The following GPA33 variants were observed in gnomAD, a reference collection of about 807,000 sequenced individuals.
GPA33 encodes the protein glycoprotein A33.
In GPA33, 27 loss-of-function variants were observed where a neutral mutation model predicts 35.6. The ratio of observed to expected loss-of-function variants is 0.76; its 90% CI spans 0.56 to 1.04. The LOEUF is 1.04. Among genes scored for constraint, GPA33 ranks in the 50% least tolerant of loss-of-function variants. The pLI is 0.00. For missense variants in GPA33, 428 were observed against 411.9 expected (o/e 1.04, Z -0.34); for synonymous variants, 176 against 164.0 (o/e 1.07, Z -0.56).
intron 2 of GPA33, among the ~76,000 whole-genome samples, chr1:167,072,698 A>G (rs1050304293): frequency 2.0e-5 from 3 of 152,236 alleles, no homozygotes; most frequent in Non-Finnish European, 2.9e-5. Context: ...CAAATGTTGA[A>G]AAATGAGATA....
chr1:167,056,298 G>A (rs938755998), intron 4 of GPA33, among the ~76,000 whole-genome samples: 3 of 152,162 alleles, frequency 2.0e-5, no homozygotes, highest in African/African-American at 7.2e-5. Flanking sequence ...CTAATCAGAA[G>A]ATATTATTAC....
At position 167,069,083 on chromosome 1, in the gene GPA33, T is replaced by C; in HGVS notation, c.254A>G (p.Tyr85Cys). The change falls in exon 3 of 7, where the codon TAT (tyrosine) becomes TGT (cysteine). Residue 85 changes from tyrosine to cysteine, a missense_variant. Transcript: ENST00000367868. Reference sequence around the variant, plus strand: ...GTTGGATATGCTGACGCGATTCTTATAAAGCTCACCATGGATGTAGTTTTT... The same window carrying C: ...GTTGGATATGCTGACGCGATTCTTACAAAGCTCACCATGGATGTAGTTTTT... ...SNKNYIHGEL[Y>C]KNRVSISNNA... The C allele has an allele frequency of 6.2e-7, 1 of 1,614,084 alleles. No homozygotes were observed. Among genetic ancestry groups the C allele is most frequent in the South Asian group, 1.1e-5 (1 of 91,084 alleles).
At chr1:167,058,451 G>A (rs1666361826) in intron 4 of GPA33, 1 of 152,096 alleles carries the variant, frequency 6.6e-6, no homozygotes, top group Non-Finnish European at 1.5e-5. Flanking sequence ...TTATGGCAAG[G>A]GGTTTTAATC....
Position 167,054,999 on chromosome 1 carries a change from A to T in GPA33, c.804T>A (p.Thr268=), listed in dbSNP as rs1666206387. Residue 268 remains threonine, a synonymous_variant, in exon 6 of 7, where the codon ACT becomes ACA. Transcript: ENST00000367868. ...CCCCRGKDDN[T]EDKEDARPNR... is the part of the protein sequence containing the mutation. ...ACGGCCTTGCATCCTCCTTGTCTTC[A>T]GTGTTGTCGTCCTTCCCTCGGCAGC... is the stretch of plus-strand genomic sequence containing the variant. 6.2e-7 allele frequency: 1 copy of T among 1,613,924 alleles called. No individual in the cohort carries two copies. The highest frequency in any genetic ancestry group is 8.5e-7 in the Non-Finnish European group (1 of 1,180,036).
rs369858429 is a variant in GPA33 at position 167,073,431 on chromosome 1, C to T, written c.152G>A (p.Ser51Asn). The T allele has an allele frequency of 6.2e-6, 10 of 1,613,790 alleles. No individual in the cohort carries two copies. The African/African-American group carries it at 1.1e-4, about 17-fold the overall frequency. The change falls in exon 2 of 7, where the codon AGT becomes AAT. Residue 51 changes from serine (S) to asparagine (N), a missense_variant. Coordinates refer to ENST00000367868, the MANE Select transcript of GPA33 (RefSeq NM_005814.3). Reference protein sequence around the residue: ...LPCTYHTSTSSREGLIQWDKL... With the variant: ...LPCTYHTSTSNREGLIQWDKL... ...ATCCCATTGAATAAGTCCCTCTCGA[C>T]TGGAGGTGGAAGTGTGGTAGGTGCA...
intron 4 of GPA33, among the ~76,000 whole-genome samples, chr1:167,061,956 T>C (rs1666461233): frequency 6.6e-6 from 1 of 152,050 alleles, no homozygotes; most frequent in Non-Finnish European, 1.5e-5. Context: ...TGTGCATCCG[T>C]CCGGCTGGGC....
At position 167,063,616 on chromosome 1, in the gene GPA33, G is replaced by A. The variant is rs754860161; in HGVS notation, c.537C>T (p.Asn179=). 123 of 1,612,814 alleles carry A rather than the reference G, an allele frequency of 7.6e-5. 1 individual carries two copies. In the Admixed American group the frequency reaches 2.0e-3, roughly 26 times the overall value. ...CCAGGGGCTGCTCCTGATTCAGGAT[G>A]TTGTACCTCTTCCAGCTGTACTGAG... The part of the protein sequence containing the change: ...PTPQYSWKRY[N]ILNQEQPLAQ... Residue 179 remains asparagine, a synonymous_variant, in exon 4 of 7, where the codon AAC becomes AAT. Transcript: ENST00000367868.
chr1:167,059,661 C>G (rs1311968071), intron 4 of GPA33, among the ~76,000 whole-genome samples: 1 of 152,084 alleles, frequency 6.6e-6, no homozygotes, highest in African/African-American at 2.4e-5. Flanking sequence ...CCTGTTTCTT[C>G]AGTGCATGAA....
At chr1:167,090,109 A>C in intron 1 of GPA33, 136 bp downstream of exon 1, 1 of 685,532 alleles carries the variant, frequency 1.5e-6, no homozygotes, top group Non-Finnish European at 2.7e-6. Context: ...CGGAATGTGT[A>C]ATTCTGGCCC....
Position 167,078,374 on chromosome 1 carries a change from A to T in GPA33, c.44-4835T>A, listed in dbSNP as rs182933871. On this transcript the variant is annotated intron_variant, in intron 1 of 6. Coordinates refer to ENST00000367868, the MANE Select transcript of GPA33 (RefSeq NM_005814.3). ...GTACAGTATTTGCTTATAGAAGAGA[A>T]CTCAGTGTGACCTTTATGTAGGAAA... Among the ~76,000 whole-genome samples, 11 of 152,300 alleles carry T rather than the reference A, an allele frequency of 7.2e-5. No individual in the cohort carries two copies. The East Asian group carries it at 2.1e-3, about 29-fold the overall frequency.
At chr1:167,066,237 G>T (rs918874833) in intron 3 of GPA33, among the ~76,000 whole-genome samples, 43 of 152,220 alleles carry the variant, frequency 2.8e-4, no homozygotes, top group African/African-American at 9.4e-4. Flanking sequence ...GGTTTCTTTG[G>T]GATAAAAGAC....
chr1:167,072,721 C>T (rs1265911990), intron 2 of GPA33, among the ~76,000 whole-genome samples: 1 of 152,070 alleles, frequency 6.6e-6, no homozygotes, highest in Admixed American at 6.5e-5. Context: ...TAAATATACT[C>T]ATATACACAA....
rs1003739926 is a variant in GPA33 at position 167,055,064 on chromosome 1, C to A, written c.739G>T (p.Ala247Ser). 2 of 1,613,570 alleles carry A rather than the reference C, an allele frequency of 1.2e-6. No homozygotes were observed. Among genetic ancestry groups the A allele is most frequent in the Non-Finnish European group, 1.7e-6 (2 of 1,179,904 alleles). Reference protein sequence around the residue: ...LYVGIAVGVVAALIIIGIIIY... With the variant: ...LYVGIAVGVVSALIIIGIIIY... ...ATGATGCCAATGATAATGAGGGCTG[C>A]AACCACGCCCACCGCGATGCCCACA... is the stretch of plus-strand genomic sequence containing the variant. Residue 247 changes from alanine to serine, a missense_variant, in exon 6 of 7, where the codon GCA becomes TCA. Physicochemically the swap from Ala to Ser is moderately conservative, Grantham distance 99. Transcript: ENST00000367868.
chr1:167,073,595 C>G (rs558220903), intron 1 of GPA33, 56 bp from the exon 2 acceptor site: 1 of 1,441,456 alleles, frequency 6.9e-7, no homozygotes, highest in South Asian at 1.2e-5. Context: ...CAGACATACC[C>G]ACTCACTGCC....
intron 3 of GPA33, among the ~76,000 whole-genome samples, chr1:167,065,003 T>C (rs1666561220): frequency 2.0e-5 from 3 of 152,156 alleles, no homozygotes; most frequent in Admixed American, 2.0e-4. Context: ...CCCAACCCGA[T>C]TCCCTGGATT....
intron 3 of GPA33, among the ~76,000 whole-genome samples, chr1:167,065,657 C>T (rs1402597450): frequency 6.6e-6 from 1 of 152,208 alleles, no homozygotes; most frequent in Non-Finnish European, 1.5e-5. Flanking sequence ...CACCACTCCC[C>T]TCTAGCCCAG....
chr1:167,056,059 G>T (rs1666242688), intron 4 of GPA33, among the ~76,000 whole-genome samples: 2 of 152,190 alleles, frequency 1.3e-5, no homozygotes, highest in Non-Finnish European at 2.9e-5. Flanking sequence ...GGCACCCTGG[G>T]TTTGACACCT....
intron 4 of GPA33, 53 bp from the exon 5 acceptor site, chr1:167,055,902 C>T: frequency 6.2e-7 from 1 of 1,604,442 alleles, no homozygotes; most frequent in Non-Finnish European, 8.5e-7. Flanking sequence ...GGAGTGGAGA[C>T]AGCCAGGAAT....
In GPA33 at chr1:167,068,942, C is replaced by T. The variant is rs757967948; in HGVS notation, c.395G>A (p.Arg132His). ...MSDLEGNTKS[R>H]VRLLVLVPPS... Reference sequence around the variant, plus strand: ...CTCACCGAGGACCAACAGGCGGACACGTGACTTGGTGTTGCCCTCCAGGTC... The same window carrying T: ...CTCACCGAGGACCAACAGGCGGACATGTGACTTGGTGTTGCCCTCCAGGTC... Residue 132 changes from arginine (R) to histidine (H), a missense_variant, in exon 3 of 7, where the codon CGT becomes CAT. Arg to His is a conservative substitution (Grantham distance 29). Transcript: ENST00000367868. 1.4e-5 allele frequency: 22 copies of T among 1,612,790 alleles called. No individual in the cohort carries two copies. Among genetic ancestry groups the T allele is most frequent in the Middle Eastern group, 1.9e-4 (1 of 5,314 alleles).
Sources: gnomAD v4.1 joint callset for allele counts (sites outside exome capture counted in the v4.1 genomes callset) on GRCh38, gnomAD v4.1.1 for gene constraint, MANE v1.5 for transcripts, NCBI Gene and HGNC (gene_info 2026-07-23, HGNC 2026-07-21) for gene names.